MYO3B: variants seen among roughly 807,000 people sequenced by gnomAD.
MYO3B encodes the protein myosin-IIIb.
MYO3B carries 156 observed loss-of-function variants against 174.6 expected under a neutral mutation model. The ratio of observed to expected loss-of-function variants is 0.89; its 90% CI spans 0.78 to 1.02. The LOEUF is 1.02. Ranked by LOEUF, MYO3B falls within the 50% of genes least tolerant of loss-of-function variation. MYO3B has a pLI of 0.00. For synonymous variants in MYO3B, 563 were observed against 569.1 expected (o/e 0.99, Z 0.15); for missense variants, 1,632 against 1,639.4 (o/e 1.00, Z 0.08).
At chr2:170,349,036 A>G (rs575811733) in intron 8 of MYO3B, among the ~76,000 whole-genome samples, 1 of 152,154 alleles carries the variant, frequency 6.6e-6, no homozygotes, top group Non-Finnish European at 1.5e-5. Flanking sequence ...CCCTAAACTG[A>G]TCAAGTCATG....
At chr2:170,577,702 A>G (rs1002305346) in intron 32 of MYO3B, among the ~76,000 whole-genome samples, 1 of 152,166 alleles carries the variant, frequency 6.6e-6, no homozygotes, top group East Asian at 1.9e-4. Flanking sequence ...TTAAAATGAA[A>G]TATCTTAAAT....
chr2:170,303,910 T>A (rs1156753081), intron 7 of MYO3B, among the ~76,000 whole-genome samples: 1 of 152,198 alleles, frequency 6.6e-6, no homozygotes, highest in Admixed American at 6.5e-5. Flanking sequence ...CTTAGCAATT[T>A]TATTAAAGAT....
Position 170,617,929 on chromosome 2 carries a change from G to A in MYO3B, c.3734-33699G>A, listed in dbSNP as rs566011699. ...GAAGACAAGTTGAGAGGACACACAGGTCTAAAGGCTTATATTGGGATGTGT... is the reference window on the plus strand; with the variant it reads ...GAAGACAAGTTGAGAGGACACACAGATCTAAAGGCTTATATTGGGATGTGT... On this transcript the variant is annotated intron_variant, in intron 32 of 34. Coordinates refer to ENST00000408978, the MANE Select transcript of MYO3B (RefSeq NM_138995.5). 7.9e-5 allele frequency among the ~76,000 whole-genome samples: 12 copies of A among 152,228 alleles called. 1 individual carries two copies. The East Asian group carries it at 9.6e-4, about 12-fold the overall frequency.
chr2:170,253,341 G>A (rs1319779215), intron 7 of MYO3B, among the ~76,000 whole-genome samples: 1 of 152,168 alleles, frequency 6.6e-6, no homozygotes, highest in East Asian at 1.9e-4. Flanking sequence ...TTTTTGGCTC[G>A]AGCAACTGCA....
chr2:170,510,887 T>A (rs1446043661), intron 28 of MYO3B, among the ~76,000 whole-genome samples: 3 of 152,228 alleles, frequency 2.0e-5, no homozygotes, highest in African/African-American at 7.2e-5. Context: ...CTTCTGAGAT[T>A]CATCTGCGTG....
At chr2:170,516,835 G>A (rs543713585) in intron 29 of MYO3B, among the ~76,000 whole-genome samples, 4 of 151,960 alleles carry the variant, frequency 2.6e-5, no homozygotes, top group African/African-American at 4.8e-5. Context: ...CCCCAAGTTC[G>A]GCATTTTATG....
intron 7 of MYO3B, among the ~76,000 whole-genome samples, chr2:170,291,094 C>T (rs2093592654): frequency 6.6e-6 from 1 of 151,854 alleles, no homozygotes. Flanking sequence ...ACTAAAAATA[C>T]AAAAATTAGC....
At chr2:170,195,260 T>C (rs1414642233) in intron 1 of MYO3B, among the ~76,000 whole-genome samples, 2 of 151,946 alleles carry the variant, frequency 1.3e-5, no homozygotes, top group African/African-American at 2.4e-5. Context: ...TGCCCAAAAG[T>C]TGGCTTTTGG....
At chr2:170,253,995 A>T (rs1218572118) in intron 7 of MYO3B, among the ~76,000 whole-genome samples, 4 of 152,138 alleles carry the variant, frequency 2.6e-5, no homozygotes, top group Admixed American at 2.6e-4. Flanking sequence ...CACTTTGAAC[A>T]GATCTTTTGA....
chr2:170,476,455 T>C (rs943627744), intron 25 of MYO3B, among the ~76,000 whole-genome samples: 7 of 152,028 alleles, frequency 4.6e-5, no homozygotes, highest in Non-Finnish European at 7.4e-5. Context: ...AGGGGTTTTA[T>C]TGAGTGGTGG....
At chr2:170,612,820 C>T (rs2105298032) in intron 32 of MYO3B, among the ~76,000 whole-genome samples, 1 of 152,294 alleles carries the variant, frequency 6.6e-6, no homozygotes, top group South Asian at 2.1e-4. Context: ...GGACAAGCAA[C>T]CTTACTGTGC....
chr2:170,514,520 C>T (rs1032609262), intron 28 of MYO3B, among the ~76,000 whole-genome samples: 1 of 152,166 alleles, frequency 6.6e-6, no homozygotes, highest in South Asian at 2.1e-4. Context: ...GTTTACTTCC[C>T]TGGTAGTGGC....
Position 170,653,236 on chromosome 2 carries a change from A to C in MYO3B, c.*115A>C. 2 of 1,293,976 alleles carry C rather than the reference A, an allele frequency of 1.5e-6. No individual in the cohort carries two copies. Among genetic ancestry groups the C allele is most frequent in the Non-Finnish European group, 2.2e-6 (2 of 917,718 alleles). The allele number at this position is 1,293,976 out of a possible 1,614,324, so 80.2% of individuals were successfully genotyped here. A position where few individuals can be genotyped will look rare whatever the true frequency, so the allele number is the denominator to read the frequency against. ...GTCAGCTTCTTTGGACATATGGTCC[A>C]TGCCTGAACCTTACTGAACCACTTG... On this transcript the variant is annotated 3_prime_UTR_variant, in exon 35 of 35. Transcript: ENST00000408978.
Position 170,641,336 on chromosome 2 carries a change from T to C in MYO3B, c.3734-10292T>C, listed in dbSNP as rs1559191773. The C allele has an allele frequency of 1.3e-5, 2 of 152,306 alleles. 1 individual carries two copies. Among genetic ancestry groups the C allele is most frequent in the East Asian group, 3.8e-4 (2 of 5,196 alleles). The allele number at this position is 152,306 out of a possible 1,614,324, so 9.4% of individuals were successfully genotyped here. A position where few individuals can be genotyped will look rare whatever the true frequency, so the allele number is the denominator to read the frequency against. The stretch of plus-strand genomic sequence containing the variant: ...GCTGGTGAGGACCTGCTTAAATGGG[T>C]AATATAGGTATAGGTGGCAGAAGTG... On this transcript the variant is annotated intron_variant, in intron 32 of 34. Transcript: ENST00000408978.
At position 170,423,323 on chromosome 2, in the gene MYO3B, G is replaced by A. The variant is rs578024133; in HGVS notation, c.2650+15479G>A. 7.9e-5 allele frequency among the ~76,000 whole-genome samples: 12 copies of A among 152,130 alleles called. No homozygotes were observed. The South Asian group carries it at 1.2e-3, about 16-fold the overall frequency. ...TCATATGTGCAGTAGCCACCATATC[G>A]AGTAGCATGACTGCAGAGGATCGCT... On this transcript the variant is annotated intron_variant, in intron 22 of 34. Transcript: ENST00000408978.
intron 1 of MYO3B, among the ~76,000 whole-genome samples, chr2:170,179,036 T>C (rs370729879): frequency 1.6e-3 from 242 of 152,246 alleles, no homozygotes; most frequent in African/African-American, 3.7e-3. Context: ...CTAGAGATCA[T>C]TGGATTCCTC....
At chr2:170,188,572 G>A (rs992885018) in intron 1 of MYO3B, among the ~76,000 whole-genome samples, 1 of 151,874 alleles carries the variant, frequency 6.6e-6, no homozygotes, top group Admixed American at 6.6e-5. Flanking sequence ...TTTAGTGAAG[G>A]TGATTTTCTC....
In MYO3B at chr2:170,371,690, GAA is replaced by G. The variant is rs35716471; in HGVS notation, c.971+2325_971+2326del. Among the ~76,000 whole-genome samples the G allele has an allele frequency of 9.5e-3, 1,348 of 142,522 alleles. 34 individuals carry two copies. Among genetic ancestry groups the G allele is most frequent in the East Asian group, 0.093 (453 of 4,872 alleles). 93.5% of individuals were successfully genotyped at this position (142,522 alleles called of 152,430 possible). On this transcript the variant is annotated intron_variant, in intron 9 of 34. Coordinates refer to ENST00000408978, the MANE Select transcript of MYO3B (RefSeq NM_138995.5). ...AGCTGTGGTTTTTCAAGTTAAAGCA[GAA>G]AAAAAAAAAAACAGAAAAATTGAGG...
intron 11 of MYO3B, 39 bp from the exon 12 acceptor site, chr2:170,383,670 TG>T: frequency 6.8e-7 from 1 of 1,477,362 alleles, no homozygotes; most frequent in Non-Finnish European, 9.5e-7. Flanking sequence ...GAGTATTAGA[TG>T]GTCCAGGGGA....
Sources: gnomAD v4.1 joint callset for allele counts (sites outside exome capture counted in the v4.1 genomes callset) on GRCh38, gnomAD v4.1.1 for gene constraint, MANE v1.5 for transcripts, NCBI Gene and HGNC (gene_info 2026-07-23, HGNC 2026-07-21) for gene names.